SLC2A13: variants seen among roughly 807,000 people sequenced by gnomAD.
SLC2A13 encodes the protein solute carrier family 2 member 13.
In SLC2A13, 32 loss-of-function variants were observed where a neutral mutation model predicts 64.4. The ratio of observed to expected loss-of-function variants is 0.50; its 90% confidence interval spans 0.37 to 0.67. SLC2A13 has a LOEUF of 0.67. Among genes scored for constraint, SLC2A13 ranks in the 30% least tolerant of loss-of-function variants. The probability of loss-of-function intolerance (pLI) is 0.00; values close to 1 mark genes in which losing one functional copy is unlikely to be tolerated. For synonymous variants in SLC2A13, 338 were observed against 327.1 expected, an observed-to-expected ratio of 1.03 and a Z score of -0.36; for missense variants, 743 against 829.2, an observed-to-expected ratio of 0.90 and a Z score of 1.28.
At chr12:39,931,763 G>C (rs564216385) in intron 4 of SLC2A13, among the ~76,000 whole-genome samples, 2 of 151,904 alleles carry the variant, frequency 1.3e-5, no homozygotes. Flanking sequence ...ACTCTGCAAA[G>C]CCTAATGAAA....
intron 7 of SLC2A13, among the ~76,000 whole-genome samples, chr12:39,794,757 C>T (rs1420832840): frequency 6.6e-6 from 1 of 152,208 alleles, no homozygotes; most frequent in Non-Finnish European, 1.5e-5. Context: ...ATTTGCGAAT[C>T]ATTCTTTGCT....
chr12:39,958,158 C>T (rs570396808), intron 3 of SLC2A13, among the ~76,000 whole-genome samples: 2 of 152,272 alleles, frequency 1.3e-5, no homozygotes, highest in Admixed American at 6.5e-5. Flanking sequence ...GAATCTAATA[C>T]ATTGCCAAGT....
chr12:39,958,046 C>T (rs535786299), intron 3 of SLC2A13, among the ~76,000 whole-genome samples: 1 of 152,172 alleles, frequency 6.6e-6, no homozygotes, highest in Non-Finnish European at 1.5e-5. Flanking sequence ...AACAGAAGTC[C>T]TCATTTCTCA....
At chr12:39,789,065 A>C (rs867367376) in intron 7 of SLC2A13, among the ~76,000 whole-genome samples, 2 of 152,134 alleles carry the variant, frequency 1.3e-5, no homozygotes, top group Non-Finnish European at 2.9e-5. Flanking sequence ...TTAAAGAATG[A>C]TAATAAGATA....
At chr12:40,003,931 T>A (rs1414182666) in intron 3 of SLC2A13, among the ~76,000 whole-genome samples, 1 of 151,598 alleles carries the variant, frequency 6.6e-6, no homozygotes, top group Non-Finnish European at 1.5e-5. Flanking sequence ...AGGCAGAGGT[T>A]GCAGTGAGCC....
intron 7 of SLC2A13, among the ~76,000 whole-genome samples, chr12:39,782,115 A>G (rs1941007259): frequency 6.6e-6 from 1 of 152,244 alleles, no homozygotes; most frequent in Non-Finnish European, 1.5e-5. Context: ...ACATAAAGAC[A>G]AAAATCTTAG....
chr12:39,940,879 C>T (rs555397597), intron 4 of SLC2A13, among the ~76,000 whole-genome samples: 465 of 81,108 alleles, frequency 5.7e-3, no homozygotes, highest in Non-Finnish European at 9.5e-3. Context: ...ACTCTTCCCC[C>T]TCAAGTCCCC....
chr12:39,841,880 T>C (rs891253751), intron 6 of SLC2A13, among the ~76,000 whole-genome samples: 1 of 152,100 alleles, frequency 6.6e-6, no homozygotes, highest in African/African-American at 2.4e-5. Context: ...CTAGTATTTG[T>C]AGCTATGAAG....
intron 2 of SLC2A13, among the ~76,000 whole-genome samples, chr12:40,029,743 T>G (rs533777356): frequency 2.0e-5 from 3 of 152,264 alleles, no homozygotes; most frequent in African/African-American, 7.2e-5. Context: ...ACAGAAAAAT[T>G]AACCAGGATA....
chr12:39,912,641 C>G (rs1201240525), intron 4 of SLC2A13, among the ~76,000 whole-genome samples: 1 of 151,936 alleles, frequency 6.6e-6, no homozygotes, highest in Non-Finnish European at 1.5e-5. Context: ...ATATCACTTG[C>G]CCAGTTATTA....
intron 2 of SLC2A13, among the ~76,000 whole-genome samples, chr12:40,042,938 G>A (rs1342046404): frequency 4.6e-5 from 6 of 130,834 alleles, no homozygotes; most frequent in Non-Finnish European, 6.5e-5. Flanking sequence ...AGACACTACA[G>A]GCAAAAAAGA....
chr12:40,040,021 T>C (rs1044507456), intron 2 of SLC2A13, among the ~76,000 whole-genome samples: 8 of 152,362 alleles, frequency 5.3e-5, no homozygotes, highest in African/African-American at 1.9e-4. Context: ...ATTAGACTTA[T>C]ACAAACTGCT....
chr12:39,917,208 C>T (rs1202962019), intron 4 of SLC2A13, among the ~76,000 whole-genome samples: 3 of 149,602 alleles, frequency 2.0e-5, no homozygotes, highest in Non-Finnish European at 4.4e-5. Context: ...ATGGGGTGTT[C>T]AGAAGAGTCT....
At chr12:39,857,245 T>A (rs1421144422) in intron 6 of SLC2A13, among the ~76,000 whole-genome samples, 1 of 152,238 alleles carries the variant, frequency 6.6e-6, no homozygotes, top group Non-Finnish European at 1.5e-5. Context: ...CAAATAAGGA[T>A]ATAAATTACA....
intron 3 of SLC2A13, among the ~76,000 whole-genome samples, chr12:39,979,427 A>AC (rs1946842345): frequency 1.4e-5 from 2 of 140,018 alleles, no homozygotes; most frequent in South Asian, 4.7e-4. Context: ...AACTTTGAAA[A>AC]AAATTTATAA....
rs562237411 is a variant in SLC2A13 at position 40,046,513 on chromosome 12, G to C, written c.716+1538C>G. On this transcript the variant is annotated intron_variant, in intron 2 of 9. Coordinates refer to ENST00000280871, the MANE Select transcript of SLC2A13 (RefSeq NM_052885.4). ...TAACAAAATATAAATTGATGATTTA[G>C]AACTTCTTAAAGACATGTAAGTTGA... is the stretch of plus-strand genomic sequence containing the variant. Among the ~76,000 whole-genome samples, 5 of 151,980 alleles carry C rather than the reference G, an allele frequency of 3.3e-5. No individual in the cohort carries two copies. The South Asian group carries it at 6.2e-4, about 19-fold the overall frequency.
chr12:39,829,392 C>CTTTTTTTATTTTTTTTTTT (rs1942787254), intron 7 of SLC2A13: 1 of 65,796 alleles, frequency 1.5e-5, no homozygotes, highest in Non-Finnish European at 2.5e-5. Flanking sequence ...GATAGTAATT[C>CTTTTTTTATTTTTTTTTTT]TTTTTTTTTT....
At chr12:39,830,622 T>C (rs778406537) in intron 6 of SLC2A13, 1 of 279,176 alleles carries the variant, frequency 3.6e-6, no homozygotes, top group Non-Finnish European at 5.5e-6. Flanking sequence ...CATTCATTTC[T>C]CTCAATTGTC....
At position 40,028,526 on chromosome 12, in the gene SLC2A13, T is replaced by C. The variant is rs374038939; in HGVS notation, c.717-17A>G. 1.3e-4 allele frequency: 216 copies of C among 1,610,844 alleles called. 1 individual carries two copies. Among genetic ancestry groups the C allele is most frequent in the Admixed American group, 1.2e-4 (7 of 59,458 alleles). ...AACATGTACCTGCAAAGAAAAAAAATCCACATTTACTGTAAAATTTGCTCT... is the reference window on the plus strand; with the variant it reads ...AACATGTACCTGCAAAGAAAAAAAACCCACATTTACTGTAAAATTTGCTCT... On this transcript the variant is annotated splice_polypyrimidine_tract_variant and intron_variant, in intron 2 of 9. Transcript: ENST00000280871.
Sources: gnomAD v4.1 joint callset for allele counts (sites outside exome capture counted in the v4.1 genomes callset) on GRCh38, gnomAD v4.1.1 for gene constraint, MANE v1.5 for transcripts, NCBI Gene and HGNC (gene_info 2026-07-23, HGNC 2026-07-21) for gene names.